The following MOCS1 variants were observed in gnomAD, a reference collection of about 807,000 sequenced individuals.
MOCS1 encodes the protein molybdenum cofactor synthesis 1.
A neutral mutation model predicts 57.6 loss-of-function variants in MOCS1; 39 were observed. The observed-to-expected ratio is 0.68, with a 90% CI of 0.52 to 0.88. The LOEUF (loss-of-function observed/expected upper bound fraction) is 0.88. Among genes scored for constraint, MOCS1 ranks in the 40% least tolerant of loss-of-function variants. The pLI is 0.00. For missense variants in MOCS1, 795 were observed against 831.1 expected (o/e 0.96, Z 0.53); for synonymous variants, 334 against 335.7 (o/e 1.00, Z 0.05).
intron 3 of MOCS1, among the ~76,000 whole-genome samples, chr6:39,918,655 T>C (rs1767794887): frequency 6.6e-6 from 1 of 152,126 alleles, no homozygotes; most frequent in Non-Finnish European, 1.5e-5. Context: ...AAATCATACA[T>C]TAGGGTGTAG....
intron 3 of MOCS1, among the ~76,000 whole-genome samples, chr6:39,916,613 T>A (rs935509308): frequency 6.6e-5 from 10 of 152,196 alleles, no homozygotes; most frequent in Non-Finnish European, 1.3e-4. Context: ...CTCAGGACTC[T>A]GCTCTTAACA....
chr6:39,922,191 T>C (rs564081943), intron 3 of MOCS1, among the ~76,000 whole-genome samples: 29 of 152,262 alleles, frequency 1.9e-4, no homozygotes, highest in African/African-American at 6.7e-4. Context: ...AATCATAAAA[T>C]ACAAATTCAG....
intron 8 of MOCS1, among the ~76,000 whole-genome samples, chr6:39,910,767 G>A (rs1433251242): frequency 6.6e-6 from 1 of 152,134 alleles, no homozygotes; most frequent in Admixed American, 6.5e-5. Context: ...CAGCCTCCAG[G>A]TTCCCTTCTC....
chr6:39,916,357 T>C (rs1767662788), intron 3 of MOCS1, 125 bp from the exon 4 acceptor site: 3 of 1,141,514 alleles, frequency 2.6e-6, no homozygotes, highest in African/African-American at 1.5e-5. Flanking sequence ...TGCAGACCTA[T>C]ATTAACCAGG....
Position 39,905,857 on chromosome 6 carries a change from A to C in MOCS1, c.*500T>G, listed in dbSNP as rs1766871995. 8.5e-6 allele frequency: 4 copies of C among 470,628 alleles called. No homozygotes were observed. Among genetic ancestry groups the C allele is most frequent in the African/African-American group, 2.0e-5 (1 of 50,080 alleles). The allele number at this position is 470,628 out of a possible 1,614,324, so 29.2% of individuals were successfully genotyped here. ...GGACAGGGCAGGGCTGCGGCTTCAC[A>C]GACTTAGGGAGGCAGAGCTGCCGGG... On this transcript the variant is annotated 3_prime_UTR_variant, in exon 11 of 11. Transcript: ENST00000340692.
At chr6:39,926,014 C>T (rs1768273117) in intron 2 of MOCS1, among the ~76,000 whole-genome samples, 169 bp from the exon 3 acceptor site, 1 of 152,212 alleles carries the variant, frequency 6.6e-6, no homozygotes, top group Admixed American at 6.5e-5. Context: ...CCAGCATCTC[C>T]CCAGGCCTCA....
intron 3 of MOCS1, among the ~76,000 whole-genome samples, chr6:39,919,675 C>T (rs1767856658): frequency 6.6e-6 from 1 of 152,044 alleles, no homozygotes; most frequent in East Asian, 1.9e-4. Context: ...GGCACAGAGA[C>T]TAACAAATGG....
chr6:39,929,765 AC>A (rs1768546427), intron 1 of MOCS1, among the ~76,000 whole-genome samples: 1 of 151,306 alleles, frequency 6.6e-6, no homozygotes, highest in African/African-American at 2.4e-5. Flanking sequence ...ACATGGCAAA[AC>A]CCCGTCTCTA....
At chr6:39,911,995 T>C (rs1046337138) in intron 8 of MOCS1, among the ~76,000 whole-genome samples, 2 of 152,176 alleles carry the variant, frequency 1.3e-5, no homozygotes, top group African/African-American at 2.4e-5. Flanking sequence ...TGCAGCTCCA[T>C]GAGAGCTGGA....
rs150131853 is a variant in MOCS1, at chr6:39,916,061, C to T, written c.583+7G>A. 203 of 1,600,600 alleles carry T rather than the reference C, an allele frequency of 1.3e-4. 1 individual carries two copies. The East Asian group carries it at 1.9e-3, about 15-fold the overall frequency. Reference sequence around the variant, plus strand: ...GAGGGACACCCACCCCATCCACATCCGCTCACCTTTCCTGCGGACAATGAA... The same window carrying T: ...GAGGGACACCCACCCCATCCACATCTGCTCACCTTTCCTGCGGACAATGAA... On this transcript the variant is annotated splice_region_variant and intron_variant, in intron 4 of 10. Coordinates refer to ENST00000340692, the MANE Select transcript of MOCS1 (RefSeq NM_001358530.2).
intron 2 of MOCS1, among the ~76,000 whole-genome samples, chr6:39,926,304 C>T (rs1021789354): frequency 1.3e-5 from 2 of 152,146 alleles, no homozygotes; most frequent in African/African-American, 2.4e-5. Context: ...GCAAAAGCTG[C>T]CGTCCTCTGT....
intron 3 of MOCS1, among the ~76,000 whole-genome samples, chr6:39,917,449 G>A (rs1767725675): frequency 2.0e-5 from 3 of 152,040 alleles, no homozygotes; most frequent in Admixed American, 2.0e-4. Flanking sequence ...ATTTGGGTGG[G>A]GACACAGCCA....
At chr6:39,913,750 T>C (rs1461794274) in intron 5 of MOCS1, 24 bp downstream of exon 5, 3 of 1,613,850 alleles carry the variant, frequency 1.9e-6, no homozygotes, top group Non-Finnish European at 2.5e-6. Flanking sequence ...AAGTCGGGAA[T>C]CTACGGCAGG....
chr6:39,925,004 T>C (rs1420438558), intron 3 of MOCS1, among the ~76,000 whole-genome samples: 5 of 152,090 alleles, frequency 3.3e-5, no homozygotes, highest in Admixed American at 1.3e-4. Flanking sequence ...CACTTGAACC[T>C]GGGAGGTGGA....
intron 1 of MOCS1, among the ~76,000 whole-genome samples, chr6:39,931,031 C>G (rs34092041): frequency 0.21 from 31,466 of 152,092 alleles, 3,611 homozygotes; most frequent in Middle Eastern, 0.31. Context: ...AAGACCCTGG[C>G]CTTCCAACCC....
chr6:39,918,816 A>T (rs1767805916), intron 3 of MOCS1, among the ~76,000 whole-genome samples: 2 of 151,468 alleles, frequency 1.3e-5, no homozygotes, highest in African/African-American at 4.9e-5. Context: ...TGCTTTTCTG[A>T]AATAAACATA....
chr6:39,911,865 G>A (rs991472450), intron 8 of MOCS1, among the ~76,000 whole-genome samples: 4 of 152,214 alleles, frequency 2.6e-5, no homozygotes, highest in African/African-American at 9.6e-5. Flanking sequence ...CCACAGGGAC[G>A]AATGCACAGG....
intron 4 of MOCS1, among the ~76,000 whole-genome samples, chr6:39,914,342 T>G (rs1190601038): frequency 6.6e-6 from 1 of 152,222 alleles, no homozygotes; most frequent in Non-Finnish European, 1.5e-5. Flanking sequence ...AATGCTCTGC[T>G]CAAAGCCCCA....
At position 39,927,432 on chromosome 6, in the gene MOCS1, G is replaced by C; in HGVS notation, c.147C>G (p.Phe49Leu). The C allele has an allele frequency of 6.2e-7, 1 of 1,612,308 alleles. No individual in the cohort carries two copies. The highest frequency in any genetic ancestry group is 8.5e-7 in the Non-Finnish European group (1 of 1,179,626). Reference sequence around the variant, plus strand: ...AGAAGGGGGCCGCATGCTCCCGCAGGAACTGCCTCCGCCTGGACACCTCCT... The same window carrying C: ...AGAAGGGGGCCGCATGCTCCCGCAGCAACTGCCTCCGCCTGGACACCTCCT... ...ASEEVSRRRQFLREHAAPFSA... is the reference protein window; with the variant it reads ...ASEEVSRRRQLLREHAAPFSA... The change falls in exon 2 of 11, where the codon TTC becomes TTG. Residue 49 changes from phenylalanine to leucine, a missense_variant. Physicochemically the swap from Phe to Leu is conservative, Grantham distance 22. This residue lies in a region of MOCS1 where 416 missense variants were observed against 392.4 expected (regional missense o/e 1.06). Coordinates refer to ENST00000340692, the MANE Select transcript of MOCS1 (RefSeq NM_001358530.2).
Sources: allele counts gnomAD v4.1 joint callset (sites outside exome capture counted in the v4.1 genomes callset), GRCh38; gene constraint gnomAD v4.1.1; regional missense constraint gnomAD v4.1.1; transcripts MANE v1.5; gene names NCBI Gene and HGNC (gene_info 2026-07-23, HGNC 2026-07-21).